LACC1: variants seen among roughly 807,000 people sequenced by gnomAD.
The protein encoded by LACC1 is laccase domain multifunctional purine nucleosidase 1, also known as purine nucleoside phosphorylase LACC1.
LACC1 carries 25 observed loss-of-function variants against 34.8 expected under a neutral mutation model. That is an observed-to-expected ratio of 0.72 (90% CI 0.52 to 1.00). The LOEUF is 1.00. Among genes scored for constraint, LACC1 ranks in the 50% least tolerant of loss-of-function variants. The probability of loss-of-function intolerance (pLI) is 0.00; values close to 1 mark genes in which losing one functional copy is unlikely to be tolerated. For missense variants in LACC1, 426 were observed against 511.2 expected (o/e 0.83, Z 1.61); for synonymous variants, 162 against 168.0 (o/e 0.96, Z 0.28).
rs1170084337 is a variant in LACC1 at position 43,880,066 on chromosome 13, G to A, written c.-88G>A. ...CCCGAATGGGCTGTGAGCCGCCGGT[G>A]GAGGTGCCCGGGCAGGTGCAGAGCC... On this transcript the variant is annotated 5_prime_UTR_variant, in exon 1 of 7. Transcript: ENST00000325686. The A allele has an allele frequency of 6.6e-6, 1 of 152,472 alleles. No individual in the cohort carries two copies. Among genetic ancestry groups the A allele is most frequent in the Non-Finnish European group, 1.5e-5 (1 of 68,308 alleles). The allele number at this position is 152,472 out of a possible 1,614,324, so 9.4% of individuals were successfully genotyped here.
intron 4 of LACC1, among the ~76,000 whole-genome samples, chr13:43,887,094 A>T (rs9533675): frequency 0.091 from 13,852 of 152,160 alleles, 698 homozygotes; most frequent in Middle Eastern, 0.12. Flanking sequence ...CCTGAAAATC[A>T]TTATGTCAAA....
chr13:43,886,629 TGAA>T (rs1347779814), intron 4 of LACC1, among the ~76,000 whole-genome samples: 1 of 152,120 alleles, frequency 6.6e-6, no homozygotes, highest in African/African-American at 2.4e-5. Context: ...GGGTGACGAC[TGAA>T]GAACTGTCTG....
In LACC1 at chr13:43,888,957, T is replaced by A; in HGVS notation, c.1108T>A (p.Cys370Ser). ...CVQLFDSPNP[C>S]IDIRKATRIL... ...ACAACTATTTGATTCACCAAATCCCTGTATCGACATCCGTAAAGCCACAAG... is the reference window on the plus strand; with the variant it reads ...ACAACTATTTGATTCACCAAATCCCAGTATCGACATCCGTAAAGCCACAAG... The change falls in exon 5 of 7, where the codon TGT becomes AGT. Residue 370 changes from cysteine to serine, a missense_variant. Cys to Ser is a moderately radical substitution (Grantham distance 112). This residue lies in a region of LACC1 where 209 missense variants were observed against 300.3 expected (regional missense o/e 0.70). Coordinates refer to ENST00000325686, the MANE Select transcript of LACC1 (RefSeq NM_153218.4). The A allele has an allele frequency of 6.2e-7, 1 of 1,613,560 alleles. No homozygotes were observed. The highest frequency in any genetic ancestry group is 8.5e-7 in the Non-Finnish European group (1 of 1,179,564).
rs1461240350 is a variant in LACC1 at position 43,880,075 on chromosome 13, C to G, written c.-79C>G. ...GCTGTGAGCCGCCGGTGGAGGTGCCCGGGCAGGTGCAGAGCCACAGCCTGC... is the reference window on the plus strand; with the variant it reads ...GCTGTGAGCCGCCGGTGGAGGTGCCGGGGCAGGTGCAGAGCCACAGCCTGC... On this transcript the variant is annotated 5_prime_UTR_variant, in exon 1 of 7. Coordinates refer to ENST00000325686, the MANE Select transcript of LACC1 (RefSeq NM_153218.4). The G allele has an allele frequency of 1.3e-5, 2 of 152,022 alleles. No homozygotes were observed. The highest frequency in any genetic ancestry group is 4.8e-5 in the African/African-American group (2 of 41,290). 9.4% of individuals were successfully genotyped at this position (152,022 alleles called of 1,614,324 possible). A position where few individuals can be genotyped will look rare whatever the true frequency, so the allele number is the denominator to read the frequency against.
intron 4 of LACC1, among the ~76,000 whole-genome samples, chr13:43,888,437 A>G (rs950425741): frequency 1.7e-4 from 26 of 152,146 alleles, no homozygotes; most frequent in African/African-American, 6.3e-4. Context: ...TGTGGTTATA[A>G]TAGTAAATTT....
intron 5 of LACC1, 45 bp from the exon 6 acceptor site, chr13:43,890,069 G>A: frequency 6.5e-7 from 1 of 1,528,180 alleles, no homozygotes; most frequent in Non-Finnish European, 8.9e-7. Context: ...TTTGGCTATT[G>A]GGAAAATAAA....
chr13:43,884,934 G>A (rs1955244497), intron 4 of LACC1, among the ~76,000 whole-genome samples: 1 of 152,058 alleles, frequency 6.6e-6, no homozygotes, highest in Non-Finnish European at 1.5e-5. Context: ...AAAACATTTA[G>A]TTTAAACATA....
At chr13:43,887,325 G>A (rs1050535707) in intron 4 of LACC1, among the ~76,000 whole-genome samples, 1 of 152,232 alleles carries the variant, frequency 6.6e-6, no homozygotes, top group Non-Finnish European at 1.5e-5. Context: ...TCACCTGAGT[G>A]CCTACCTTTT....
At position 43,881,218 on chromosome 13, in the gene LACC1, T is replaced by C; in HGVS notation, c.233T>C (p.Ile78Thr). Residue 78 changes from isoleucine (I) to threonine (T), a missense_variant, in exon 2 of 7, where the codon ATT (isoleucine) becomes ACT (threonine). By Grantham distance (89) the Ile-to-Thr change is moderately conservative. Coordinates refer to ENST00000325686, the MANE Select transcript of LACC1 (RefSeq NM_153218.4). ...TCAGCTCTCTTGGAAGAATTTGAGATTGTTAGCTGTCCCAGCATGGCTGCC... is the reference window on the plus strand; with the variant it reads ...TCAGCTCTCTTGGAAGAATTTGAGACTGTTAGCTGTCCCAGCATGGCTGCC... ...GLSALLEEFE[I>T]VSCPSMAATL... is the part of the protein sequence containing the mutation. 6.2e-7 allele frequency: 1 copy of C among 1,614,154 alleles called. No homozygotes were observed. The highest frequency in any genetic ancestry group is 8.5e-7 in the Non-Finnish European group (1 of 1,180,010).
rs762540971 is a variant in LACC1 at position 43,890,142 on chromosome 13, CCA to C, written c.1165_1166del (p.Gln389GlufsTer18). 6.2e-7 allele frequency: 1 copy of C among 1,612,482 alleles called. No individual in the cohort carries two copies. The highest frequency in any genetic ancestry group is 8.5e-7 in the Non-Finnish European group (1 of 1,179,266). The part of the protein sequence containing the change: ...RILLEQGGIL[P>X]QNIQDQNQDL... Reference sequence around the variant, plus strand: ...TCTTCTAGAACAGGGAGGAATTCTTCCACAGAATATTCAGGACCAGAACCAAG... The same window carrying C: ...TCTTCTAGAACAGGGAGGAATTCTTCCAGAATATTCAGGACCAGAACCAAG... On this transcript the variant is annotated frameshift_variant, in exon 6 of 7. Transcript: ENST00000325686. LOFTEE classifies it high-confidence loss of function.
chr13:43,880,880 T>C, intron 1 of LACC1, 72 bp from the exon 2 acceptor site: 1 of 1,014,146 alleles, frequency 9.9e-7, no homozygotes, highest in Non-Finnish European at 1.4e-6. Context: ...TCGTTTTTAA[T>C]CTACCACAAA....
In LACC1 at chr13:43,881,523, A is replaced by C. The variant is rs1168285400; in HGVS notation, c.538A>C (p.Ile180Leu). ...GCCAGCACTGAGAGGAAAATTAACT[A>C]TTATCACTTCTTCTTTGATCCCAGG... ...SLPALRGKLT[I>L]ITSSLIPDIF... Residue 180 changes from isoleucine to leucine, a missense_variant, in exon 2 of 7, where the codon ATT becomes CTT. By Grantham distance (5) the Ile-to-Leu change is conservative. Coordinates refer to ENST00000325686, the MANE Select transcript of LACC1 (RefSeq NM_153218.4). 1 of 1,605,366 alleles carries C rather than the reference A, an allele frequency of 6.2e-7. No individual in the cohort carries two copies. Among genetic ancestry groups the C allele is most frequent in the African/African-American group, 1.3e-5 (1 of 74,232 alleles).
At chr13:43,879,780 A>AGGCGGGGCGGGGCGGGGCGGGGCGG (rs1566960840), upstream of LACC1, 5 of 91,020 alleles carry the variant, frequency 5.5e-5, no homozygotes, top group Admixed American at 1.2e-4. Flanking sequence ...GGGCGAGGTG[A>AGGCGGGGCGGGGCGGGGCGGGGCGG]GGCGGGGCGA....
rs1373589892 is a variant in LACC1, at chr13:43,892,032, A to G, written c.*585A>G. The G allele has an allele frequency of 6.8e-6, 1 of 147,462 alleles. No homozygotes were observed. The highest frequency in any genetic ancestry group is 1.5e-5 in the Non-Finnish European group (1 of 66,846). 9.1% of individuals were successfully genotyped at this position (147,462 alleles called of 1,614,324 possible). On this transcript the variant is annotated 3_prime_UTR_variant, in exon 7 of 7. Transcript: ENST00000325686. ...TAGAGGGAACACCATGAACCAGGGC[A>G]TGAAACTGAAAGTGCATAACATATT...
chr13:43,890,028 A>G lies in LACC1; in HGVS notation c.1134-86A>G, dbSNP rs191948145. The stretch of plus-strand genomic sequence containing the variant: ...GGTACATCTTTCCTGGAACTTTTTC[A>G]TGCCAACATCCATACTTTTTTTCAT... On this transcript the variant is annotated intron_variant, in intron 5 of 6. Transcript: ENST00000325686. 3.8e-5 allele frequency: 45 copies of G among 1,181,346 alleles called. 2 individuals carry two copies. In the East Asian group the frequency reaches 7.4e-4, roughly 19 times the overall value. The allele number at this position is 1,181,346 out of a possible 1,614,324, so 73.2% of individuals were successfully genotyped here.
At chr13:43,884,087 G>T (rs768421151) in intron 4 of LACC1, 151 bp downstream of exon 4, 2 of 572,502 alleles carry the variant, frequency 3.5e-6, no homozygotes, top group Non-Finnish European at 6.0e-6. Flanking sequence ...TTATTATAGG[G>T]ACAGCTAAGA....
At chr13:43,881,601 C>T in intron 2 of LACC1, 54 bp downstream of exon 2, 1 of 1,318,710 alleles carries the variant, frequency 7.6e-7, no homozygotes, top group Non-Finnish European at 1.0e-6. Context: ...ACTAGTCTTT[C>T]TTCAGAGGTA....
At chr13:43,882,086 C>A in intron 2 of LACC1, 99 bp from the exon 3 acceptor site, 3 of 860,712 alleles carry the variant, frequency 3.5e-6, no homozygotes, top group Non-Finnish European at 3.5e-6. Flanking sequence ...AATTAGAAGC[C>A]AAATAACAAG....
At chr13:43,890,410 C>T (rs1955524150) in intron 6 of LACC1, 136 bp downstream of exon 6, 2 of 656,530 alleles carry the variant, frequency 3.0e-6, no homozygotes, top group Non-Finnish European at 2.4e-6. Flanking sequence ...TTATGTTAAA[C>T]TTTACTCCTT....
Sources: allele counts gnomAD v4.1 joint callset (sites outside exome capture counted in the v4.1 genomes callset), GRCh38; gene constraint gnomAD v4.1.1; regional missense constraint gnomAD v4.1.1; transcripts MANE v1.5; gene names NCBI Gene and HGNC (gene_info 2026-07-23, HGNC 2026-07-21).